ASIP: variants seen among roughly 807,000 people sequenced by gnomAD.
ASIP encodes the protein agouti-signaling protein.
Under a neutral mutation model 10.3 loss-of-function variants are expected in ASIP, and 11 were observed. The observed-to-expected ratio is 1.07, with a 90% CI of 0.68 to 1.78. ASIP has a LOEUF of 1.78. Ranked by LOEUF, ASIP falls within the 40% of genes most tolerant of loss-of-function variation. The pLI is 0.00. For missense variants in ASIP, 180 were observed against 169.2 expected, an observed-to-expected ratio of 1.06 and a Z score of -0.35; for synonymous variants, 70 against 70.8, an observed-to-expected ratio of 0.99 and a Z score of 0.06.
chr20:34,246,392 G>A (rs1568761562), intron 1 of ASIP: 2 of 1,373,574 alleles, frequency 1.5e-6, no homozygotes, highest in Non-Finnish European at 2.0e-6. Context: ...TTTACAATGA[G>A]CAACATCAGG....
chr20:34,233,842 A>T (rs1339997223), intron 1 of ASIP, among the ~76,000 whole-genome samples: 2 of 152,220 alleles, frequency 1.3e-5, no homozygotes, highest in Non-Finnish European at 2.9e-5. Context: ...AAAAGTCAAC[A>T]GGAATGAGAT....
chr20:34,247,925 G>T (rs1027420924), intron 1 of ASIP, among the ~76,000 whole-genome samples: 1 of 152,164 alleles, frequency 6.6e-6, no homozygotes, highest in African/African-American at 2.4e-5. Context: ...GCCCCTGAAG[G>T]CCGGGCGCAG....
At chr20:34,253,836 A>G (rs1190824163) in intron 1 of ASIP, among the ~76,000 whole-genome samples, 1 of 152,174 alleles carries the variant, frequency 6.6e-6, no homozygotes, top group East Asian at 1.9e-4. Context: ...GGTTCATCCA[A>G]GTGATCTGAC....
At chr20:34,247,932 G>A (rs1300798981) in intron 1 of ASIP, among the ~76,000 whole-genome samples, 3 of 152,178 alleles carry the variant, frequency 2.0e-5, no homozygotes, top group Admixed American at 6.5e-5. Context: ...AAGGCCGGGC[G>A]CAGTGGCACA....
At chr20:34,217,864 G>A (rs922075610) in intron 1 of ASIP, among the ~76,000 whole-genome samples, 1 of 152,174 alleles carries the variant, frequency 6.6e-6, no homozygotes, top group Non-Finnish European at 1.5e-5. Flanking sequence ...CGCCCAGCCC[G>A]CTGAAAGCTC....
chr20:34,187,447 G>A, the ASIP span, among the ~76,000 whole-genome samples: 1 of 152,226 alleles, frequency 6.6e-6, no homozygotes, highest in South Asian at 2.1e-4. Flanking sequence ...AGGGCCAAGT[G>A]TGTAAGGTTT....
chr20:34,188,600 T>G, the ASIP span, among the ~76,000 whole-genome samples: 3 of 152,188 alleles, frequency 2.0e-5, no homozygotes, highest in Non-Finnish European at 4.4e-5. Context: ...TTTATTGACA[T>G]TGTATTATTA....
intron 1 of ASIP, chr20:34,246,654 C>T (rs754446113): frequency 3.1e-5 from 16 of 522,710 alleles, no homozygotes; most frequent in Admixed American, 2.0e-4. Context: ...GATGGGGTTT[C>T]GCCATGTTGC....
At chr20:34,195,790 T>G (rs2065911) in intron 1 of ASIP, among the ~76,000 whole-genome samples, 20,262 of 152,080 alleles carry the variant, frequency 0.13, 4,185 homozygotes, top group African/African-American at 0.44. Flanking sequence ...ATTACCTTTT[T>G]TTTTGTTTTG....
At chr20:34,208,518 T>C (rs1475356239) in intron 1 of ASIP, among the ~76,000 whole-genome samples, 2 of 152,080 alleles carry the variant, frequency 1.3e-5, no homozygotes, top group East Asian at 3.9e-4. Context: ...CTACTCCTGG[T>C]TAATTTTTTT....
At chr20:34,261,362 C>T (rs1353989570) in intron 2 of ASIP, among the ~76,000 whole-genome samples, 2 of 151,982 alleles carry the variant, frequency 1.3e-5, no homozygotes, top group Non-Finnish European at 2.9e-5. Flanking sequence ...TAGCAAGGCA[C>T]GTGGCATGCA....
chr20:34,201,350 G>A (rs2034898835), intron 1 of ASIP, among the ~76,000 whole-genome samples: 1 of 152,128 alleles, frequency 6.6e-6, no homozygotes, highest in African/African-American at 2.4e-5. Context: ...AAACCTGTTG[G>A]CAGTTACTGC....
intron 1 of ASIP, among the ~76,000 whole-genome samples, chr20:34,223,421 T>C (rs1331807486): frequency 8.7e-5 from 12 of 137,714 alleles, no homozygotes; most frequent in East Asian, 4.4e-4. Context: ...GTGAGGAGCC[T>C]CTCCGCCCGG....
chr20:34,232,480 C>G (rs1029404247), intron 1 of ASIP, among the ~76,000 whole-genome samples: 4 of 152,090 alleles, frequency 2.6e-5, no homozygotes, highest in African/African-American at 9.7e-5. Context: ...ACAGCATAGA[C>G]CACTGTCAAT....
At chr20:34,187,467 A>G in the ASIP span, among the ~76,000 whole-genome samples, 18 of 152,166 alleles carry the variant, frequency 1.2e-4, no homozygotes, top group African/African-American at 4.1e-4. Context: ...TGTCAGTTTA[A>G]TCTCTGTCCA....
chr20:34,209,103 T>C (rs1347713451), intron 1 of ASIP, among the ~76,000 whole-genome samples: 2 of 152,350 alleles, frequency 1.3e-5, no homozygotes, highest in East Asian at 1.9e-4. Context: ...CCTTTGTTTC[T>C]TTCTTTTGTA....
chr20:34,205,662 G>A (rs749557510), intron 1 of ASIP, among the ~76,000 whole-genome samples: 18 of 102,978 alleles, frequency 1.7e-4, no homozygotes, highest in Admixed American at 8.9e-4. Context: ...TTTACAGAGC[G>A]CTGATTTCTC....
chr20:34,260,636 CCTT>C, intron 2 of ASIP, 102 bp downstream of exon 2: 1 of 1,286,208 alleles, frequency 7.8e-7, no homozygotes, highest in Non-Finnish European at 1.1e-6. Context: ...GGTCACGGCT[CCTT>C]CTTGCTCGTT....
At chr20:34,219,806 T>G (rs948550947) in intron 1 of ASIP, among the ~76,000 whole-genome samples, 1 of 152,126 alleles carries the variant, frequency 6.6e-6, no homozygotes, top group Non-Finnish European at 1.5e-5. Context: ...ATACAAAACA[T>G]GTGCTGGGAG....
Sources: allele counts gnomAD v4.1 joint callset (sites outside exome capture counted in the v4.1 genomes callset), GRCh38; gene constraint gnomAD v4.1.1; transcripts MANE v1.5; gene names NCBI Gene and HGNC (gene_info 2026-07-23, HGNC 2026-07-21).